The following ACAP2 variants were observed in gnomAD, a reference collection of about 807,000 sequenced individuals.
ACAP2 encodes arf-GAP with coiled-coil, ANK repeat and PH domain-containing protein 2.
In ACAP2, 39 loss-of-function variants were observed where a neutral mutation model predicts 115.8. The observed-to-expected ratio is 0.34, with a 90% CI of 0.26 to 0.44. The LOEUF (loss-of-function observed/expected upper bound fraction) is 0.44. ACAP2 is among the 20% of genes least tolerant of loss of function. ACAP2 has a pLI of 1.00. For missense variants in ACAP2, 662 were observed against 927.6 expected, an observed-to-expected ratio of 0.71 and a Z score of 3.72; for synonymous variants, 289 against 315.8, an observed-to-expected ratio of 0.92 and a Z score of 0.90.
chr3:195,375,398 G>A (rs1171275698), intron 4 of ACAP2, among the ~76,000 whole-genome samples: 1 of 150,582 alleles, frequency 6.6e-6, no homozygotes, highest in Non-Finnish European at 1.5e-5. Context: ...TTCAATCTGT[G>A]CCATGAAATG....
intron 21 of ACAP2, 66 bp downstream of exon 21, chr3:195,289,055 G>T: frequency 7.7e-7 from 1 of 1,301,082 alleles, no homozygotes; most frequent in Non-Finnish European, 1.1e-6. Context: ...CTAATTCACT[G>T]TGGATAACCG....
chr3:195,349,956 C>T (rs1208998661), intron 4 of ACAP2: 5 of 183,224 alleles, frequency 2.7e-5, no homozygotes, highest in African/African-American at 1.2e-4. Context: ...ACCAAACAAG[C>T]TCTATACATT....
chr3:195,377,136 A>ATTTTTTTTTTTTTTT (rs1478091442), intron 4 of ACAP2, among the ~76,000 whole-genome samples: 3 of 89,710 alleles, frequency 3.3e-5, no homozygotes, highest in South Asian at 5.2e-4. Context: ...AGGAATGTAA[A>ATTTTTTTTTTTTTTT]TCTTTTTTTT....
chr3:195,298,775 G>C (rs1385393487), intron 15 of ACAP2, among the ~76,000 whole-genome samples: 2 of 152,132 alleles, frequency 1.3e-5, no homozygotes, highest in African/African-American at 4.8e-5. Context: ...GGGATTACAA[G>C]CATGCACCAC....
chr3:195,415,422 G>A (rs1449750000), intron 1 of ACAP2, among the ~76,000 whole-genome samples: 1 of 151,838 alleles, frequency 6.6e-6, no homozygotes, highest in African/African-American at 2.4e-5. Flanking sequence ...GACTACGGGC[G>A]TGCACCACCA....
At chr3:195,388,860 A>G (rs1324925368) in intron 2 of ACAP2, among the ~76,000 whole-genome samples, 1 of 152,070 alleles carries the variant, frequency 6.6e-6, no homozygotes, top group Non-Finnish European at 1.5e-5. Context: ...TGTCTCTACT[A>G]TAAATACGAA....
intron 1 of ACAP2, among the ~76,000 whole-genome samples, chr3:195,427,657 C>A (rs989584722): frequency 3.0e-4 from 45 of 152,078 alleles, no homozygotes; most frequent in Non-Finnish European, 8.8e-5. Flanking sequence ...CTCCTGTAAT[C>A]CTAGCACTTT....
intron 15 of ACAP2, among the ~76,000 whole-genome samples, chr3:195,298,378 C>T (rs1213856251): frequency 6.6e-6 from 1 of 151,850 alleles, no homozygotes; most frequent in Admixed American, 6.6e-5. Context: ...GCCTCAACCT[C>T]CCGAGTAACT....
chr3:195,438,675 A>G (rs1228497440), intron 1 of ACAP2, among the ~76,000 whole-genome samples: 5 of 152,178 alleles, frequency 3.3e-5, no homozygotes, highest in Non-Finnish European at 1.5e-5. Context: ...GTTGGAGAAC[A>G]GCCTGGATAA....
intron 1 of ACAP2, among the ~76,000 whole-genome samples, chr3:195,442,480 G>A (rs764319242): frequency 6.6e-6 from 1 of 152,250 alleles, no homozygotes; most frequent in Admixed American, 6.5e-5. Flanking sequence ...CGAAGGGGAC[G>A]GGACTTCGGG....
At chr3:195,336,890 C>A in intron 7 of ACAP2, 42 bp downstream of exon 7, 2 of 1,474,216 alleles carry the variant, frequency 1.4e-6, no homozygotes, top group South Asian at 2.3e-5. Context: ...CATTTAGTTT[C>A]ATATTAAAAT....
At chr3:195,383,142 T>C (rs1019846421) in intron 2 of ACAP2, among the ~76,000 whole-genome samples, 19 of 152,140 alleles carry the variant, frequency 1.2e-4, no homozygotes, top group African/African-American at 3.9e-4. Context: ...TTAAATTGTT[T>C]GCTATTTACA....
chr3:195,322,363 G>T (rs1729505729), intron 9 of ACAP2, among the ~76,000 whole-genome samples: 1 of 152,020 alleles, frequency 6.6e-6, no homozygotes, highest in South Asian at 2.1e-4. Flanking sequence ...TGAGATGCTG[G>T]GGCCTTGCAC....
chr3:195,298,443 A>G (rs1407829509), intron 15 of ACAP2, among the ~76,000 whole-genome samples: 1 of 151,846 alleles, frequency 6.6e-6, no homozygotes, highest in African/African-American at 2.4e-5. Context: ...TGTAGTAGAG[A>G]CAGGGTTTCA....
Position 195,274,781 on chromosome 3 carries a change from T to C in ACAP2, c.*4547A>G, listed in dbSNP as rs1008706152. 2 of 152,630 alleles carry C rather than the reference T, an allele frequency of 1.3e-5. No individual in the cohort carries two copies. The highest frequency in any genetic ancestry group is 2.9e-5 in the Non-Finnish European group (2 of 68,016). The allele number at this position is 152,630 out of a possible 1,614,324, so 9.5% of individuals were successfully genotyped here. ...TGAGATCTTTATTGACTTATTGTAA[T>C]TTTTTGGCATACAAATTACTTAAGT... On this transcript the variant is annotated 3_prime_UTR_variant, in exon 23 of 23. Transcript: ENST00000326793.
chr3:195,401,878 C>A (rs1008117150), intron 1 of ACAP2, among the ~76,000 whole-genome samples: 2 of 152,110 alleles, frequency 1.3e-5, no homozygotes, highest in African/African-American at 4.8e-5. Flanking sequence ...AGAAATTTGA[C>A]AAGATCTGTA....
chr3:195,436,898 T>G (rs780544633), intron 1 of ACAP2, among the ~76,000 whole-genome samples: 1 of 152,190 alleles, frequency 6.6e-6, no homozygotes, highest in Non-Finnish European at 1.5e-5. Flanking sequence ...TAAGACCCAG[T>G]TGCATTACAT....
rs1416036634 is a variant in ACAP2 at position 195,301,678 on chromosome 3, A to G, written c.1326-34T>C. The G allele has an allele frequency of 3.8e-6, 6 of 1,581,858 alleles. No homozygotes were observed. The African/African-American group carries it at 8.2e-5, about 22-fold the overall frequency. On this transcript the variant is annotated intron_variant, in intron 14 of 22. Transcript: ENST00000326793. ...AAAAAAGAAGACTGCATTACTATCAAGTCTCTGTTTGCGTATTTGCGCAAG... is the reference window on the plus strand; with the variant it reads ...AAAAAAGAAGACTGCATTACTATCAGGTCTCTGTTTGCGTATTTGCGCAAG...
intron 1 of ACAP2, among the ~76,000 whole-genome samples, chr3:195,411,572 C>T (rs980595701): frequency 2.6e-5 from 4 of 152,064 alleles, no homozygotes; most frequent in African/African-American, 9.7e-5. Flanking sequence ...TACATTGAAA[C>T]AATTTTCACA....
Sources: allele counts gnomAD v4.1 joint callset (sites outside exome capture counted in the v4.1 genomes callset), GRCh38; gene constraint gnomAD v4.1.1; transcripts MANE v1.5; gene names NCBI Gene and HGNC (gene_info 2026-07-23, HGNC 2026-07-21).